The following FOCAD variants were observed in gnomAD, a reference collection of about 807,000 sequenced individuals.
FOCAD encodes the protein KIAA1797.
FOCAD carries 198 observed loss-of-function variants against 225.6 expected under a neutral mutation model. The observed-to-expected ratio is 0.88, with a 90% CI of 0.78 to 0.99. The LOEUF (loss-of-function observed/expected upper bound fraction) is 0.99, where lower values mean the gene tolerates loss of function less well. FOCAD is among the 50% of genes least tolerant of loss of function. The probability of loss-of-function intolerance (pLI) is 0.00; values close to 1 mark genes in which losing one functional copy is unlikely to be tolerated. For missense variants in FOCAD, 2,713 were observed against 2,123.6 expected (o/e 1.28, Z -5.46); for synonymous variants, 897 against 755.0 (o/e 1.19, Z -3.08).
At chr9:20,921,213 C>G (rs114044598) in intron 24 of FOCAD, among the ~76,000 whole-genome samples, 1 of 152,220 alleles carries the variant, frequency 6.6e-6, no homozygotes, top group Admixed American at 6.5e-5. Flanking sequence ...TATTGAGTCA[C>G]TTTACTAATA....
chr9:20,978,135 G>C (rs1840371691), intron 36 of FOCAD, among the ~76,000 whole-genome samples: 1 of 152,176 alleles, frequency 6.6e-6, no homozygotes, highest in Non-Finnish European at 1.5e-5. Flanking sequence ...CCCATTGCTA[G>C]TTCCAAGGTG....
chr9:20,885,452 T>G (rs1211329793), intron 21 of FOCAD: 1 of 272,618 alleles, frequency 3.7e-6, no homozygotes, highest in Non-Finnish European at 6.6e-6. Flanking sequence ...TATTAGGGAG[T>G]AATGTCTAGG....
At chr9:20,686,886 T>G (rs1822701484) in intron 1 of FOCAD, among the ~76,000 whole-genome samples, 1 of 152,196 alleles carries the variant, frequency 6.6e-6, no homozygotes, top group South Asian at 2.1e-4. Flanking sequence ...TTCCTCCATG[T>G]AAATGATTTG....
In FOCAD at chr9:20,923,735, C is replaced by T; in HGVS notation, c.2928C>T (p.Ala976=). The T allele has an allele frequency of 1.9e-6, 3 of 1,613,934 alleles. No individual in the cohort carries two copies. Among genetic ancestry groups the T allele is most frequent in the Middle Eastern group, 1.7e-4 (1 of 6,054 alleles). ...CTGTCGTCGTATCTAGACATGAAGC[C>T]AGCCTCTCCTCAGACTCTGACGGGC... ...SLAVVVSRHE[A]SLSSDSDGLL... The change falls in exon 25 of 44, where the codon GCC becomes GCT. Residue 976 remains alanine, a synonymous_variant. Transcript: ENST00000338382.
chr9:20,741,725 A>G (rs1485709193), intron 5 of FOCAD, among the ~76,000 whole-genome samples: 1 of 125,714 alleles, frequency 8.0e-6, no homozygotes, highest in East Asian at 2.4e-4. Flanking sequence ...TTGTGACGTA[A>G]GGGTTTATTC....
intron 1 of FOCAD, among the ~76,000 whole-genome samples, chr9:20,702,277 A>C (rs1365479155): frequency 6.6e-6 from 1 of 151,922 alleles, no homozygotes; most frequent in Non-Finnish European, 1.5e-5. Flanking sequence ...TAATTTTTAA[A>C]ATTTTTTGTA....
At chr9:20,824,311 T>C (rs1464967787) in intron 15 of FOCAD, among the ~76,000 whole-genome samples, 2 of 152,092 alleles carry the variant, frequency 1.3e-5, no homozygotes, top group African/African-American at 4.8e-5. Context: ...GAAAGAATTC[T>C]AAACTTTCAC....
chr9:20,826,642 A>G (rs1309412573), intron 15 of FOCAD, among the ~76,000 whole-genome samples: 1 of 152,026 alleles, frequency 6.6e-6, no homozygotes, highest in Admixed American at 6.6e-5. Context: ...TAATATAAGT[A>G]CCTAGTGTGA....
intron 1 of FOCAD, among the ~76,000 whole-genome samples, chr9:20,690,616 A>G (rs914244759): frequency 7.9e-5 from 12 of 152,046 alleles, no homozygotes; most frequent in African/African-American, 2.7e-4. Context: ...TGGTGTGATC[A>G]TAGCTCGCCA....
Position 20,952,998 on chromosome 9 carries a change from T to C in FOCAD, c.4065T>C (p.Tyr1355=), listed in dbSNP as rs1190955396. 1 of 1,613,614 alleles carries C rather than the reference T, an allele frequency of 6.2e-7. No individual in the cohort carries two copies. Residue 1355 remains tyrosine (Y), a synonymous_variant, in exon 35 of 44, where the codon TAT becomes TAC. Transcript: ENST00000338382. ...CTGTCTCCACAGTTCCTACTGACTA[T>C]AGCTACTTGCCTGAAAGCAGTTTTA... ...SQSRASVPTD[Y]SYLPESSFIG...
intron 1 of FOCAD, among the ~76,000 whole-genome samples, chr9:20,689,898 G>A (rs1256348041): frequency 6.6e-6 from 1 of 152,210 alleles, no homozygotes; most frequent in Non-Finnish European, 1.5e-5. Context: ...TATGTCTCCA[G>A]TGAATATTTG....
At chr9:20,767,283 A>G (rs1478659117) in intron 7 of FOCAD, among the ~76,000 whole-genome samples, 3 of 150,520 alleles carry the variant, frequency 2.0e-5, no homozygotes, top group Non-Finnish European at 3.0e-5. Context: ...CGCAATAAAC[A>G]TACGTGTGCA....
rs111839857 is a variant in FOCAD, at chr9:20,867,983, AC to A, written c.2190+973del. Among the ~76,000 whole-genome samples, 1,142 of 152,206 alleles carry A rather than the reference AC, an allele frequency of 7.5e-3. 19 individuals carry two copies. The highest frequency in any genetic ancestry group is 0.026 in the African/African-American group (1,090 of 41,550). ...AGGATTGAAAATAGGCTGTTGTAAA[AC>A]CAATTCCTAAGGCAGGCAGGATTTC... On this transcript the variant is annotated intron_variant, in intron 18 of 43. Coordinates refer to ENST00000338382, the MANE Select transcript of FOCAD (RefSeq NM_001375567.1).
chr9:20,756,951 T>C (rs1999569), intron 5 of FOCAD, among the ~76,000 whole-genome samples: 133,537 of 152,152 alleles, frequency 0.88, 58,632 homozygotes, highest in Admixed American at 0.91. Flanking sequence ...TTTTTTGAGA[T>C]GGAGTTTTGC....
chr9:20,991,022 T>A (rs905300883), intron 42 of FOCAD, among the ~76,000 whole-genome samples: 1 of 152,154 alleles, frequency 6.6e-6, no homozygotes, highest in Non-Finnish European at 1.5e-5. Context: ...TCAGTCTAGT[T>A]CCTCTTCTGG....
At chr9:20,719,089 CT>C (rs1045695931) in intron 3 of FOCAD, among the ~76,000 whole-genome samples, 18 of 148,652 alleles carry the variant, frequency 1.2e-4, no homozygotes, top group Non-Finnish European at 7.5e-5. Context: ...ATTTTCTTTT[CT>C]TTTTTTTTTG....
At chr9:20,742,010 A>G (rs1186905491) in intron 5 of FOCAD, among the ~76,000 whole-genome samples, 1 of 152,204 alleles carries the variant, frequency 6.6e-6, no homozygotes, top group African/African-American at 2.4e-5. Flanking sequence ...TGTATGATTC[A>G]GTGACTTTTA....
intron 1 of FOCAD, among the ~76,000 whole-genome samples, chr9:20,693,933 A>T (rs1486041660): frequency 6.6e-6 from 1 of 152,032 alleles, no homozygotes; most frequent in African/African-American, 2.4e-5. Context: ...CCAGTCTCGA[A>T]CTCTTGACTT....
chr9:20,923,114 G>C (rs1834608388), intron 24 of FOCAD, among the ~76,000 whole-genome samples: 1 of 152,122 alleles, frequency 6.6e-6, no homozygotes, highest in Admixed American at 6.6e-5. Context: ...AAGGTTGATA[G>C]TTTTGCTATA....
Sources: allele counts gnomAD v4.1 joint callset (sites outside exome capture counted in the v4.1 genomes callset), GRCh38; gene constraint gnomAD v4.1.1; transcripts MANE v1.5; gene names NCBI Gene and HGNC (gene_info 2026-07-23, HGNC 2026-07-21).